MYO6: variants seen among roughly 807,000 people sequenced by gnomAD.
MYO6 encodes unconventional myosin-VI.
A neutral mutation model predicts 178.7 loss-of-function variants in MYO6; 74 were observed. The ratio of observed to expected loss-of-function variants is 0.41; its 90% CI spans 0.34 to 0.50. The LOEUF is 0.50. MYO6 is among the 20% of genes least tolerant of loss of function. The pLI is 0.09. For synonymous variants in MYO6, 477 were observed against 504.6 expected (o/e 0.95, Z 0.73); for missense variants, 1,330 against 1,547.4 (o/e 0.86, Z 2.36).
chr6:75,844,467 ATTT>A (rs1774539116), intron 9 of MYO6, among the ~76,000 whole-genome samples: 2 of 152,164 alleles, frequency 1.3e-5, no homozygotes, highest in African/African-American at 4.8e-5. Flanking sequence ...CAAGGATAGA[ATTT>A]CTTAACTTCT....
At chr6:75,824,395 A>C (rs1480813781) in intron 3 of MYO6, among the ~76,000 whole-genome samples, 1 of 152,206 alleles carries the variant, frequency 6.6e-6, no homozygotes, top group Non-Finnish European at 1.5e-5. Flanking sequence ...CATTATTAAC[A>C]CAACTTTGGT....
At chr6:75,893,358 T>C (rs1779053445) in intron 28 of MYO6, among the ~76,000 whole-genome samples, 1 of 152,214 alleles carries the variant, frequency 6.6e-6, no homozygotes, top group Admixed American at 6.5e-5. Context: ...TTAATTATTT[T>C]GATTATTTAT....
chr6:75,842,191 C>A (rs1279648236), intron 9 of MYO6, among the ~76,000 whole-genome samples: 1 of 148,582 alleles, frequency 6.7e-6, no homozygotes, highest in Non-Finnish European at 1.5e-5. Flanking sequence ...GAAACGCACA[C>A]ACACACACAT....
In MYO6 at chr6:75,858,971, T is replaced by G. The variant is rs762813612; in HGVS notation, c.1451T>G (p.Phe484Cys). ...TGCAATGAAAAACTTCAACAATTTT[T>G]TAATGAAAGGATTCTGAAGGAGGTA... ...NYCNEKLQQFFNERILKEEQE... is the reference protein window; with the variant it reads ...NYCNEKLQQFCNERILKEEQE... The change falls in exon 14 of 35, where the codon TTT becomes TGT. Residue 484 changes from phenylalanine (F) to cysteine (C), a missense_variant. Transcript: ENST00000369977. 5 of 1,605,086 alleles carry G rather than the reference T, an allele frequency of 3.1e-6. No homozygotes were observed. The Admixed American group carries it at 8.3e-5, about 27-fold the overall frequency.
chr6:75,865,722 G>GAA (rs56798029), intron 16 of MYO6, among the ~76,000 whole-genome samples: 36,776 of 151,862 alleles, frequency 0.24, 5,560 homozygotes, highest in Middle Eastern at 0.38. Flanking sequence ...TCTTGTAAGT[G>GAA]AAAACATTTT....
chr6:75,783,556 C>CTT (rs199499336), intron 1 of MYO6, among the ~76,000 whole-genome samples: 2,912 of 127,670 alleles, frequency 0.023, 82 homozygotes, highest in African/African-American at 0.073. Context: ...TTGATATCTT[C>CTT]TTTTTTTTTT....
intron 1 of MYO6, among the ~76,000 whole-genome samples, chr6:75,768,501 C>G (rs947847846): frequency 1.2e-4 from 18 of 151,878 alleles, no homozygotes; most frequent in African/African-American, 3.9e-4. Flanking sequence ...CTGCCTCAGC[C>G]TCCCGAGTAG....
chr6:75,903,195 A>G (rs942558738), intron 30 of MYO6, among the ~76,000 whole-genome samples: 5 of 151,664 alleles, frequency 3.3e-5, no homozygotes, highest in Non-Finnish European at 7.4e-5. Flanking sequence ...AAAAAAATGT[A>G]TATTCTGTTG....
intron 3 of MYO6, among the ~76,000 whole-genome samples, chr6:75,826,272 T>C (rs1407573940): frequency 1.3e-5 from 2 of 152,216 alleles, no homozygotes; most frequent in Non-Finnish European, 2.9e-5. Context: ...TGTGGCATGA[T>C]TTCAGAGGAA....
intron 22 of MYO6, 55 bp downstream of exon 22, chr6:75,880,175 GT>G (rs1583346688): frequency 1.6e-6 from 2 of 1,256,298 alleles, no homozygotes; most frequent in East Asian, 4.8e-5. Flanking sequence ...AATAGTTGGG[GT>G]TAGTGAATAT....
intron 30 of MYO6, among the ~76,000 whole-genome samples, chr6:75,904,539 A>T (rs966373641): frequency 1.3e-5 from 2 of 152,038 alleles, no homozygotes; most frequent in African/African-American, 2.4e-5. Flanking sequence ...AGGCTTCTGC[A>T]TTCTTCACGT....
At chr6:75,835,983 C>A in intron 7 of MYO6, 27 bp downstream of exon 7, 1 of 1,512,196 alleles carries the variant, frequency 6.6e-7, no homozygotes, top group Non-Finnish European at 9.2e-7. Context: ...AGTTGTTACG[C>A]GTGTACTGAA....
chr6:75,830,236 G>A (rs1015410118), intron 4 of MYO6, among the ~76,000 whole-genome samples, 180 bp from the exon 5 acceptor site: 6 of 152,100 alleles, frequency 3.9e-5, no homozygotes, highest in African/African-American at 1.2e-4. Context: ...ATTAAGAATT[G>A]GAGAAATATG....
chr6:75,756,244 C>A (rs956922543), intron 1 of MYO6, among the ~76,000 whole-genome samples: 1 of 150,904 alleles, frequency 6.6e-6, no homozygotes, highest in Non-Finnish European at 1.5e-5. Context: ...AAAAAAACAA[C>A]AAGCAAGCAA....
At chr6:75,831,952 G>T (rs1773142777) in intron 5 of MYO6, among the ~76,000 whole-genome samples, 1 of 151,894 alleles carries the variant, frequency 6.6e-6, no homozygotes, top group Non-Finnish European at 1.5e-5. Context: ...GTGCGCTCTT[G>T]TATATGGTTT....
At chr6:75,764,751 A>C (rs534518380) in intron 1 of MYO6, among the ~76,000 whole-genome samples, 41 of 152,276 alleles carry the variant, frequency 2.7e-4, no homozygotes, top group African/African-American at 8.7e-4. Flanking sequence ...CAGGCCAGGC[A>C]CTTTGAGAGG....
intron 4 of MYO6, 74 bp downstream of exon 4, chr6:75,828,687 C>A (rs1389339533): frequency 6.5e-6 from 6 of 929,052 alleles, no homozygotes; most frequent in Non-Finnish European, 1.1e-5. Flanking sequence ...TTTTGTCACG[C>A]TTGAAATTGT....
chr6:75,800,152 C>A (rs935482382), intron 1 of MYO6, among the ~76,000 whole-genome samples: 1 of 152,086 alleles, frequency 6.6e-6, no homozygotes, highest in Non-Finnish European at 1.5e-5. Flanking sequence ...CATGGTTCAA[C>A]CCCCCTCCAG....
At chr6:75,824,545 C>T (rs1428654333) in intron 3 of MYO6, among the ~76,000 whole-genome samples, 2 of 152,074 alleles carry the variant, frequency 1.3e-5, no homozygotes, top group South Asian at 2.1e-4. Flanking sequence ...TTGTGTTATA[C>T]ACTTGCACAC....
Sources: allele counts gnomAD v4.1 joint callset (sites outside exome capture counted in the v4.1 genomes callset), GRCh38; gene constraint gnomAD v4.1.1; transcripts MANE v1.5; gene names NCBI Gene and HGNC (gene_info 2026-07-23, HGNC 2026-07-21).